The following ARHGAP10 variants were observed in gnomAD, a reference collection of about 807,000 sequenced individuals.
ARHGAP10 encodes the protein Rho GTPase activating protein 10.
Under a neutral mutation model 108.6 loss-of-function variants are expected in ARHGAP10, and 87 were observed. The observed-to-expected ratio is 0.80, with a 90% confidence interval of 0.67 to 0.96. The LOEUF is 0.96. Among genes scored for constraint, ARHGAP10 ranks in the 40% least tolerant of loss-of-function variants. The pLI, the probability that ARHGAP10 is intolerant of heterozygous loss-of-function variation, is 0.00. For synonymous variants in ARHGAP10, 347 were observed against 341.1 expected, an observed-to-expected ratio of 1.02 and a Z score of -0.19; for missense variants, 939 against 954.5, an observed-to-expected ratio of 0.98 and a Z score of 0.21.
At chr4:147,965,310 T>C (rs1739164363) in intron 17 of ARHGAP10, among the ~76,000 whole-genome samples, 181 bp downstream of exon 17, 1 of 152,264 alleles carries the variant, frequency 6.6e-6, no homozygotes, top group East Asian at 1.9e-4. Flanking sequence ...TGTATAATTA[T>C]TTGCTTAACA....
At chr4:147,844,591 G>A (rs576543198) in intron 3 of ARHGAP10, among the ~76,000 whole-genome samples, 1 of 152,284 alleles carries the variant, frequency 6.6e-6, no homozygotes, top group South Asian at 2.1e-4. Flanking sequence ...ATGCTTGTCT[G>A]TCTGTGCCTG....
chr4:147,797,974 T>TA (rs935243160), intron 1 of ARHGAP10, among the ~76,000 whole-genome samples: 1 of 152,202 alleles, frequency 6.6e-6, no homozygotes, highest in African/African-American at 2.4e-5. Flanking sequence ...ATCTGTCTCT[T>TA]ACATTTTCCT....
intron 4 of ARHGAP10, among the ~76,000 whole-genome samples, chr4:147,850,675 G>A (rs1190853781): frequency 6.6e-6 from 1 of 152,130 alleles, no homozygotes; most frequent in East Asian, 1.9e-4. Flanking sequence ...CACTCACTGC[G>A]AGGGTCCGCG....
intron 16 of ARHGAP10, among the ~76,000 whole-genome samples, chr4:147,961,465 G>C (rs1226642243): frequency 5.3e-5 from 8 of 151,932 alleles, no homozygotes; most frequent in Admixed American, 5.2e-4. Context: ...ATGTATTTCA[G>C]ATATTTAGTA....
intron 1 of ARHGAP10, among the ~76,000 whole-genome samples, chr4:147,772,250 G>A (rs573132896): frequency 6.6e-6 from 1 of 152,330 alleles, no homozygotes; most frequent in Non-Finnish European, 1.5e-5. Flanking sequence ...CTCTAGATAA[G>A]AGCAGTGGAC....
chr4:147,799,998 G>A (rs573925294), intron 1 of ARHGAP10, among the ~76,000 whole-genome samples: 89 of 152,258 alleles, frequency 5.8e-4, no homozygotes, highest in Middle Eastern at 3.4e-3. Context: ...TTAGCACACA[G>A]GTCCTGCCCT....
At chr4:147,765,598 G>C (rs577206299) in intron 1 of ARHGAP10, among the ~76,000 whole-genome samples, 6 of 152,202 alleles carry the variant, frequency 3.9e-5, no homozygotes, top group African/African-American at 1.4e-4. Flanking sequence ...TCAGGAGTTC[G>C]AGACAGGCCT....
At chr4:147,833,438 A>C (rs972294060) in intron 3 of ARHGAP10, among the ~76,000 whole-genome samples, 2 of 152,294 alleles carry the variant, frequency 1.3e-5, no homozygotes, top group South Asian at 4.1e-4. Flanking sequence ...CTCTGCAGCC[A>C]TGTGGAACTG....
intron 1 of ARHGAP10, among the ~76,000 whole-genome samples, chr4:147,737,860 C>T (rs1206587903): frequency 1.3e-5 from 2 of 152,190 alleles, no homozygotes; most frequent in African/African-American, 2.4e-5. Context: ...TTTAGAGCTT[C>T]CCACCAGGCC....
intron 1 of ARHGAP10, among the ~76,000 whole-genome samples, chr4:147,763,270 T>C (rs1729660817): frequency 6.6e-6 from 1 of 152,102 alleles, no homozygotes; most frequent in Non-Finnish European, 1.5e-5. Flanking sequence ...ACAAGTTTGC[T>C]GGAATTAATG....
intron 1 of ARHGAP10, among the ~76,000 whole-genome samples, chr4:147,740,629 G>T (rs1162239288): frequency 6.6e-6 from 1 of 152,068 alleles, no homozygotes; most frequent in African/African-American, 2.4e-5. Context: ...TCCAAGGTCG[G>T]GTTGATTTAG....
intron 1 of ARHGAP10, among the ~76,000 whole-genome samples, chr4:147,819,859 T>C (rs771888202): frequency 3.9e-5 from 6 of 152,164 alleles, no homozygotes; most frequent in Non-Finnish European, 8.8e-5. Flanking sequence ...GTGCACAGCC[T>C]ATTGTATCTT....
intron 20 of ARHGAP10, among the ~76,000 whole-genome samples, chr4:148,054,203 C>T (rs898545790): frequency 6.6e-6 from 1 of 152,190 alleles, no homozygotes; most frequent in Non-Finnish European, 1.5e-5. Flanking sequence ...AAGTTCGAGA[C>T]CGTTTACATT....
In ARHGAP10 at chr4:147,784,742, T is replaced by TAATATATATTATA. The variant is rs1730771126; in HGVS notation, c.155-37983_155-37982insTATATATTATAAA. On this transcript the variant is annotated intron_variant, in intron 1 of 22. Transcript: ENST00000336498. ...ATAATATATTATAAAATATATATTATAAATATATATTATAAAATGTATATT... is the reference window on the plus strand; with the variant it reads ...ATAATATATTATAAAATATATATTATAATATATATTATAAAATATATATTATAAAATGTATATT... Among the ~76,000 whole-genome samples, 7 of 13,934 alleles carry TAATATATATTATA rather than the reference T, an allele frequency of 5.0e-4. 2 individuals carry two copies. The South Asian group carries it at 0.03, about 61-fold the overall frequency. 9.1% of individuals were successfully genotyped at this position (13,934 alleles called of 152,430 possible).
chr4:147,911,993 A>ATATGTG (rs1560822641), intron 12 of ARHGAP10, among the ~76,000 whole-genome samples: 69 of 108,688 alleles, frequency 6.3e-4, no homozygotes, highest in South Asian at 2.3e-3. Flanking sequence ...AAGAACATTC[A>ATATGTG]CGTGTGTGTG....
At chr4:147,837,319 A>T (rs549877956) in intron 3 of ARHGAP10, among the ~76,000 whole-genome samples, 60 of 152,296 alleles carry the variant, frequency 3.9e-4, no homozygotes, top group African/African-American at 1.4e-3. Flanking sequence ...TTTTGTCAAG[A>T]TTGTTTATAC....
At chr4:148,043,750 A>ATATG (rs1317247396) in intron 19 of ARHGAP10, among the ~76,000 whole-genome samples, 1 of 144,656 alleles carries the variant, frequency 6.9e-6, no homozygotes, top group African/African-American at 2.5e-5. Flanking sequence ...ATATATGTAT[A>ATATG]TATGTATATA....
chr4:147,952,969 G>A (rs1738663473), intron 15 of ARHGAP10, among the ~76,000 whole-genome samples: 1 of 151,888 alleles, frequency 6.6e-6, no homozygotes, highest in Non-Finnish European at 1.5e-5. Flanking sequence ...TTTTTGCATA[G>A]GGATCTCCAG....
intron 1 of ARHGAP10, among the ~76,000 whole-genome samples, chr4:147,785,083 T>TAAAAAAAA (rs368685839): frequency 5.1e-5 from 6 of 118,786 alleles, no homozygotes; most frequent in South Asian, 2.6e-4. Context: ...GACTATTTTC[T>TAAAAAAAA]AAAAAAAAAA....
Sources: gnomAD v4.1 joint callset for allele counts (sites outside exome capture counted in the v4.1 genomes callset) on GRCh38, gnomAD v4.1.1 for gene constraint, MANE v1.5 for transcripts, NCBI Gene and HGNC (gene_info 2026-07-23, HGNC 2026-07-21) for gene names.